SLA: variants seen among roughly 807,000 people sequenced by gnomAD.
SLA encodes Src like adaptor, also known as src-like-adapter.
A neutral mutation model predicts 30.3 loss-of-function variants in SLA; 16 were observed. The ratio of observed to expected loss-of-function variants is 0.53; its 90% CI spans 0.36 to 0.80. SLA has a LOEUF of 0.80. Ranked by LOEUF, SLA falls within the 30% of genes least tolerant of loss-of-function variation. The pLI, the probability that SLA is intolerant of heterozygous loss-of-function variation, is 0.01. For synonymous variants in SLA, 143 were observed against 137.8 expected (o/e 1.04, Z -0.26); for missense variants, 310 against 345.2 (o/e 0.90, Z 0.81).
chr8:133,058,002 C>T (rs913975690), intron 3 of SLA, among the ~76,000 whole-genome samples: 1 of 152,110 alleles, frequency 6.6e-6, no homozygotes, highest in South Asian at 2.1e-4. Context: ...GCACATTGGC[C>T]TAAAGCAACC....
At chr8:133,097,513 A>G (rs927038764) in intron 1 of SLA, among the ~76,000 whole-genome samples, 1 of 152,266 alleles carries the variant, frequency 6.6e-6, no homozygotes, top group Admixed American at 6.5e-5. Flanking sequence ...ATTTATCTCT[A>G]CTGGCTTAAG....
chr8:133,091,960 T>G (rs925946543), intron 1 of SLA, among the ~76,000 whole-genome samples: 1 of 152,088 alleles, frequency 6.6e-6, no homozygotes, highest in Non-Finnish European at 1.5e-5. Flanking sequence ...TGGCTGTGTG[T>G]CTGTGCACGT....
At chr8:133,074,779 C>A (rs973417466) in intron 2 of SLA, 74 bp downstream of exon 2, 41 of 880,850 alleles carry the variant, frequency 4.7e-5, no homozygotes, top group Non-Finnish European at 5.3e-5. Flanking sequence ...AGAAAGTCAA[C>A]CCCTGCCAAC....
At chr8:133,068,492 A>G (rs1843433012) in intron 2 of SLA, among the ~76,000 whole-genome samples, 1 of 152,230 alleles carries the variant, frequency 6.6e-6, no homozygotes, top group Non-Finnish European at 1.5e-5. Context: ...TTTTAATTCC[A>G]TTCTTTATTA....
In SLA at chr8:133,055,519, T is replaced by C. The variant is rs186422023; in HGVS notation, c.61+4581A>G. On this transcript the variant is annotated intron_variant, in intron 3 of 8. Transcript: ENST00000338087. ...CCAGGCTTGTGAGCCCTCTTAGTCA[T>C]ATGTAAAGGGCTGTGTTTGAGACCC... 5.3e-3 allele frequency among the ~76,000 whole-genome samples: 799 copies of C among 152,164 alleles called. 9 individuals are homozygous for C. The highest frequency in any genetic ancestry group is 0.011 in the Admixed American group (169 of 15,264).
chr8:133,067,896 AAGGAAGGAAGGAAGGAAGGAAAG>A (rs1843302865), intron 2 of SLA, among the ~76,000 whole-genome samples: 3 of 55,942 alleles, frequency 5.4e-5, no homozygotes, highest in Non-Finnish European at 1.0e-4. Flanking sequence ...GTATGTATGG[AAGGAAGGAAGGAAGGAAGGAAAG>A]AGAGAGAGAG....
At chr8:133,068,499 A>G (rs2131399622) in intron 2 of SLA, among the ~76,000 whole-genome samples, 1 of 152,350 alleles carries the variant, frequency 6.6e-6, no homozygotes, top group African/African-American at 2.4e-5. Flanking sequence ...TCCATTCTTT[A>G]TTAAGTCACT....
chr8:133,086,110 C>T (rs771567746), intron 1 of SLA, among the ~76,000 whole-genome samples: 1 of 152,198 alleles, frequency 6.6e-6, no homozygotes, highest in Non-Finnish European at 1.5e-5. Flanking sequence ...CAGAAGGCTA[C>T]ATATTCTATG....
chr8:133,090,724 CATA>C (rs1847368455), intron 1 of SLA, among the ~76,000 whole-genome samples: 1 of 152,174 alleles, frequency 6.6e-6, no homozygotes, highest in Non-Finnish European at 1.5e-5. Context: ...GAACGCTGAT[CATA>C]ATATCTCCAT....
chr8:133,078,608 A>G (rs2131507085), intron 1 of SLA, among the ~76,000 whole-genome samples: 1 of 152,236 alleles, frequency 6.6e-6, no homozygotes, highest in Middle Eastern at 3.4e-3. Context: ...TTTTGTTAGC[A>G]CTCACTGTGT....
intron 1 of SLA, among the ~76,000 whole-genome samples, chr8:133,083,880 C>G (rs1162790848): frequency 6.6e-6 from 1 of 152,096 alleles, no homozygotes; most frequent in South Asian, 2.1e-4. Flanking sequence ...TCCCTCTGCA[C>G]CCAGTGGTTC....
chr8:133,055,364 C>T (rs112391798), intron 3 of SLA, among the ~76,000 whole-genome samples: 4 of 12,300 alleles, frequency 3.3e-4, no homozygotes, highest in Admixed American at 1.9e-3. Context: ...CACGCACGCG[C>T]GCACACACAC....
At position 133,075,012 on chromosome 8, in the gene SLA, C is replaced by A. The variant is rs1247493012; in HGVS notation, c.-200G>T. The stretch of plus-strand genomic sequence containing the variant: ...AAGCAGCCCATGCTACACAGAAGAA[C>A]TGCAGTTGCTAAACTGGCCGCATAC... On this transcript the variant is annotated 5_prime_UTR_variant, in exon 2 of 9. Transcript: ENST00000338087. The A allele has an allele frequency of 1.0e-6, 1 of 985,488 alleles. No individual in the cohort carries two copies. Among genetic ancestry groups the A allele is most frequent in the Non-Finnish European group, 1.2e-6 (1 of 829,946 alleles). The allele number at this position is 985,488 out of a possible 1,614,324, so 61.0% of individuals were successfully genotyped here.
intron 1 of SLA, among the ~76,000 whole-genome samples, chr8:133,098,792 A>G (rs1400165755): frequency 6.6e-6 from 1 of 152,122 alleles, no homozygotes; most frequent in Admixed American, 6.5e-5. Context: ...ATCTGGGACC[A>G]TGGTGTTCAG....
rs58739514 is a variant in SLA at position 133,042,678 on chromosome 8, CTTTTTTTTTTTT to C, written c.484+2294_484+2305del. On this transcript the variant is annotated intron_variant, in intron 7 of 8. Transcript: ENST00000338087. ...GTGCACAATTCCTCTCATTCTGTGT[CTTTTTTTTTTTT>C]TTTTTTTTTTTTTTTTTTTGTGAGA... Among the ~76,000 whole-genome samples the C allele has an allele frequency of 1.8e-3, 103 of 56,772 alleles. 2 individuals carry two copies. Among genetic ancestry groups the C allele is most frequent in the South Asian group, 8.4e-3 (14 of 1,676 alleles). The allele number at this position is 56,772 out of a possible 152,430, so 37.2% of individuals were successfully genotyped here. A position where few individuals can be genotyped will look rare whatever the true frequency, so the allele number is the denominator to read the frequency against.
chr8:133,065,617 C>G (rs1183555504), intron 2 of SLA, among the ~76,000 whole-genome samples: 1 of 151,920 alleles, frequency 6.6e-6, no homozygotes, highest in Non-Finnish European at 1.5e-5. Context: ...CAAAAATTAG[C>G]CGGACATGTT....
chr8:133,067,700 C>T (rs1244010705), intron 2 of SLA, among the ~76,000 whole-genome samples: 4 of 151,850 alleles, frequency 2.6e-5, no homozygotes, highest in Admixed American at 6.6e-5. Context: ...CACTTGAACC[C>T]GTGAGGCAGA....
intron 1 of SLA, among the ~76,000 whole-genome samples, chr8:133,086,122 T>C (rs2131572149): frequency 6.6e-6 from 1 of 152,362 alleles, no homozygotes; most frequent in Middle Eastern, 3.4e-3. Context: ...TATTCTATGA[T>C]TCCATTTATA....
chr8:133,083,712 A>T lies in SLA; in HGVS notation c.-318-8582T>A, dbSNP rs114549211. Among the ~76,000 whole-genome samples the T allele has an allele frequency of 3.8e-3, 575 of 152,204 alleles. 7 individuals are homozygous for T. The highest frequency in any genetic ancestry group is 0.013 in the African/African-American group (550 of 41,506). On this transcript the variant is annotated intron_variant, in intron 1 of 8. Coordinates refer to ENST00000338087, the MANE Select transcript of SLA (RefSeq NM_001045556.3). ...TTCTGCATCTCTTTAAAATAATAAT[A>T]ATTATTTTATTTGAAGAGGATTTGA...
Sources: allele counts gnomAD v4.1 joint callset (sites outside exome capture counted in the v4.1 genomes callset), GRCh38; gene constraint gnomAD v4.1.1; transcripts MANE v1.5; gene names NCBI Gene and HGNC (gene_info 2026-07-23, HGNC 2026-07-21).